The following SHISA9 variants were observed in gnomAD, a reference collection of about 807,000 sequenced individuals.
SHISA9 encodes the protein protein shisa-9.
SHISA9 carries 13 observed loss-of-function variants against 38.0 expected under a neutral mutation model. That is an observed-to-expected ratio of 0.34 (90% CI 0.22 to 0.54). The LOEUF (loss-of-function observed/expected upper bound fraction) is 0.54. Ranked by LOEUF, SHISA9 falls within the 20% of genes least tolerant of loss-of-function variation. The pLI is 0.91. For missense variants in SHISA9, 538 were observed against 575.8 expected (o/e 0.93, Z 0.67); for synonymous variants, 275 against 242.0 (o/e 1.14, Z -1.27).
At chr16:13,559,903 G>A in the SHISA9 span, among the ~76,000 whole-genome samples, 1 of 152,146 alleles carries the variant, frequency 6.6e-6, no homozygotes, top group Non-Finnish European at 1.5e-5. Context: ...CACATCAACT[G>A]GAAAGATTGA....
At chr16:13,388,594 T>G in the SHISA9 span, among the ~76,000 whole-genome samples, 2 of 152,276 alleles carry the variant, frequency 1.3e-5, no homozygotes, top group East Asian at 1.9e-4. Flanking sequence ...TGAGCCACTG[T>G]GCCTGGCCAG....
chr16:12,949,702 T>C (rs187882644), intron 2 of SHISA9, among the ~76,000 whole-genome samples: 1 of 152,358 alleles, frequency 6.6e-6, no homozygotes, highest in African/African-American at 2.4e-5. Flanking sequence ...CATATTAAAA[T>C]TAAGTTCACT....
chr16:13,507,320 G>A, the SHISA9 span, among the ~76,000 whole-genome samples: 1 of 152,128 alleles, frequency 6.6e-6, no homozygotes, highest in Non-Finnish European at 1.5e-5. Flanking sequence ...TTAGTAGGAA[G>A]TTGCTGACCT....
At chr16:13,357,971 A>G in the SHISA9 span, among the ~76,000 whole-genome samples, 1 of 151,998 alleles carries the variant, frequency 6.6e-6, no homozygotes, top group African/African-American at 2.4e-5. Flanking sequence ...TTCTTTTGTG[A>G]TTCTTTAGTT....
At chr16:13,553,512 T>C in the SHISA9 span, among the ~76,000 whole-genome samples, 4 of 152,150 alleles carry the variant, frequency 2.6e-5, no homozygotes, top group African/African-American at 9.7e-5. Flanking sequence ...CTTGTGTCCA[T>C]GTGACTTAAA....
chr16:13,323,192 G>A, the SHISA9 span, among the ~76,000 whole-genome samples: 1 of 152,176 alleles, frequency 6.6e-6, no homozygotes, highest in Non-Finnish European at 1.5e-5. Flanking sequence ...GTACAAAATA[G>A]GTATTTGGTG....
chr16:13,005,051 G>A (rs2072581207), intron 2 of SHISA9, among the ~76,000 whole-genome samples: 1 of 151,450 alleles, frequency 6.6e-6, no homozygotes, highest in East Asian at 1.9e-4. Context: ...GGAGAGAGGG[G>A]TCAAGAATGT....
chr16:13,230,186 C>T (rs2051318009), intron 4 of SHISA9, among the ~76,000 whole-genome samples: 1 of 152,200 alleles, frequency 6.6e-6, no homozygotes, highest in South Asian at 2.1e-4. Context: ...TCCACCCCAG[C>T]AGGGCAGGAA....
At chr16:13,165,546 C>T (rs1376095119) in intron 2 of SHISA9, among the ~76,000 whole-genome samples, 2 of 152,214 alleles carry the variant, frequency 1.3e-5, no homozygotes, top group African/African-American at 4.8e-5. Context: ...ATGGAAGTGA[C>T]TGAGACTTAG....
the SHISA9 span, among the ~76,000 whole-genome samples, chr16:13,387,739 C>G: frequency 6.6e-6 from 1 of 152,130 alleles, no homozygotes; most frequent in Non-Finnish European, 1.5e-5. Flanking sequence ...CTGCCCGCCT[C>G]GGCCTCCCAA....
the SHISA9 span, among the ~76,000 whole-genome samples, chr16:13,377,557 G>A: frequency 6.6e-6 from 1 of 152,094 alleles, no homozygotes; most frequent in African/African-American, 2.4e-5. Flanking sequence ...TTTTGATCCC[G>A]ATCACCTTTA....
chr16:12,977,749 T>C (rs1354929507), intron 2 of SHISA9, among the ~76,000 whole-genome samples: 2 of 151,850 alleles, frequency 1.3e-5, no homozygotes, highest in Non-Finnish European at 2.9e-5. Context: ...GTCTCACTTA[T>C]AGGTGGGAGC....
chr16:13,349,671 G>T, the SHISA9 span, among the ~76,000 whole-genome samples: 1 of 152,196 alleles, frequency 6.6e-6, no homozygotes, highest in Non-Finnish European at 1.5e-5. Flanking sequence ...ACTGACAGTT[G>T]ATGGGTACAC....
chr16:13,034,126 C>T (rs568034971), intron 2 of SHISA9, among the ~76,000 whole-genome samples: 2 of 139,286 alleles, frequency 1.4e-5, no homozygotes, highest in African/African-American at 5.6e-5. Flanking sequence ...GCCTGGGTGA[C>T]AAGAATGGAA....
chr16:13,373,882 CAT>C, the SHISA9 span, among the ~76,000 whole-genome samples: 1 of 152,134 alleles, frequency 6.6e-6, no homozygotes, highest in East Asian at 1.9e-4. Context: ...AATAAGATCT[CAT>C]AACACGTTCA....
chr16:12,927,032 A>AT (rs1190661619), intron 2 of SHISA9, among the ~76,000 whole-genome samples: 2 of 152,032 alleles, frequency 1.3e-5, no homozygotes, highest in Non-Finnish European at 1.5e-5. Context: ...CTGAATACAG[A>AT]TTTTTTTTCA....
At position 13,133,397 on chromosome 16, in the gene SHISA9, A is replaced by C. The variant is rs550953739; in HGVS notation, c.692-69997A>C. On this transcript the variant is annotated intron_variant, in intron 2 of 4. Transcript: ENST00000558583. ...TCTTGAAAAAAGTAATAGTTTGGTA[A>C]GTAGTGGGCTGTTTAAACTTGGCTC... Among the ~76,000 whole-genome samples the C allele has an allele frequency of 5.9e-5, 9 of 152,278 alleles. 1 individual carries two copies. The highest frequency in any genetic ancestry group is 1.7e-4 in the African/African-American group (7 of 41,572).
At chr16:13,016,096 T>C (rs564826817) in intron 2 of SHISA9, among the ~76,000 whole-genome samples, 54 of 149,942 alleles carry the variant, frequency 3.6e-4, no homozygotes, top group Non-Finnish European at 6.9e-4. Context: ...CAAGCAGTTC[T>C]CCTGCCTTAG....
At chr16:13,429,641 C>G in the SHISA9 span, among the ~76,000 whole-genome samples, 4 of 152,140 alleles carry the variant, frequency 2.6e-5, no homozygotes, top group South Asian at 8.3e-4. Context: ...CTGTGATGAC[C>G]TGGAGTTTAG....
Sources: allele counts gnomAD v4.1 joint callset (sites outside exome capture counted in the v4.1 genomes callset), GRCh38; gene constraint gnomAD v4.1.1; transcripts MANE v1.5; gene names NCBI Gene and HGNC (gene_info 2026-07-23, HGNC 2026-07-21).